The following EXOC4 variants were observed in gnomAD, a reference collection of about 807,000 sequenced individuals.
The protein encoded by EXOC4 is exocyst complex component 4.
EXOC4 carries 71 observed loss-of-function variants against 107.2 expected under a neutral mutation model. The observed-to-expected ratio is 0.66, with a 90% confidence interval of 0.55 to 0.81. EXOC4 has a LOEUF of 0.81. EXOC4 is among the 30% of genes least tolerant of loss of function. The pLI is 0.00. For synonymous variants in EXOC4, 456 were observed against 441.2 expected, an observed-to-expected ratio of 1.03 and a Z score of -0.42; for missense variants, 1,108 against 1,189.6, an observed-to-expected ratio of 0.93 and a Z score of 1.01.
intron 9 of EXOC4, among the ~76,000 whole-genome samples, chr7:133,526,951 A>G (rs1800091269): frequency 6.6e-6 from 1 of 150,864 alleles, no homozygotes; most frequent in Non-Finnish European, 1.5e-5. Flanking sequence ...CAGCCTGGCA[A>G]CAGAGCGAGA....
At chr7:133,505,718 GAT>G (rs1412831109) in intron 9 of EXOC4, among the ~76,000 whole-genome samples, 1 of 152,088 alleles carries the variant, frequency 6.6e-6, no homozygotes, top group African/African-American at 2.4e-5. Flanking sequence ...CTAATTGCTT[GAT>G]AATGTAACAC....
chr7:133,347,692 A>G (rs1795816529), intron 5 of EXOC4, among the ~76,000 whole-genome samples: 1 of 152,206 alleles, frequency 6.6e-6, no homozygotes, highest in African/African-American at 2.4e-5. Context: ...GATGATTTAT[A>G]GCCATTTAGA....
intron 9 of EXOC4, among the ~76,000 whole-genome samples, chr7:133,489,211 A>G (rs1385765008): frequency 6.6e-6 from 1 of 152,046 alleles, no homozygotes; most frequent in Non-Finnish European, 1.5e-5. Flanking sequence ...AACCAAAGAG[A>G]GGATCTCGTG....
chr7:134,032,100 A>G (rs1795284407), intron 17 of EXOC4, among the ~76,000 whole-genome samples: 1 of 152,196 alleles, frequency 6.6e-6, no homozygotes, highest in African/African-American at 2.4e-5. Context: ...GATGTTGACA[A>G]AGGCTTTTTA....
chr7:133,811,765 T>C (rs751919227), intron 10 of EXOC4, among the ~76,000 whole-genome samples: 1 of 152,186 alleles, frequency 6.6e-6, no homozygotes, highest in Non-Finnish European at 1.5e-5. Context: ...TACATTCGAA[T>C]GGTGGAGATA....
intron 7 of EXOC4, among the ~76,000 whole-genome samples, chr7:133,400,152 A>T (rs1703934222): frequency 6.6e-6 from 1 of 152,226 alleles, no homozygotes; most frequent in South Asian, 2.1e-4. Flanking sequence ...CCAGAGATAG[A>T]AATCGCAGAA....
chr7:133,434,769 A>T (rs1007297933), intron 7 of EXOC4, among the ~76,000 whole-genome samples: 5 of 152,174 alleles, frequency 3.3e-5, no homozygotes, highest in African/African-American at 1.2e-4. Context: ...AGACCTCAGG[A>T]TTGTGCTGTC....
intron 11 of EXOC4, among the ~76,000 whole-genome samples, chr7:133,838,626 C>G (rs995442077): frequency 2.0e-5 from 3 of 152,168 alleles, no homozygotes; most frequent in African/African-American, 7.2e-5. Flanking sequence ...CTGGTTGCAG[C>G]CTCATGTTTT....
the EXOC4 span, among the ~76,000 whole-genome samples, chr7:134,099,989 G>A: frequency 1.3e-5 from 2 of 152,018 alleles, no homozygotes; most frequent in African/African-American, 4.8e-5. Flanking sequence ...TTACAGGCAT[G>A]AGCCACTGCA....
intron 7 of EXOC4, among the ~76,000 whole-genome samples, chr7:133,474,460 A>G (rs1255640897): frequency 6.7e-6 from 1 of 148,616 alleles, no homozygotes; most frequent in Non-Finnish European, 1.5e-5. Context: ...GGTGTGCACC[A>G]TCATGCCCAG....
intron 1 of EXOC4, chr7:133,253,556 A>T (rs1794943276): frequency 1.0e-6 from 1 of 994,090 alleles, no homozygotes. Context: ...TCACTGAGAA[A>T]GGCGTCTTGT....
chr7:133,889,229 A>G (rs1799152510), intron 11 of EXOC4, among the ~76,000 whole-genome samples: 1 of 152,174 alleles, frequency 6.6e-6, no homozygotes, highest in Non-Finnish European at 1.5e-5. Context: ...AGCCAGAGTT[A>G]TCTTGTGAGT....
chr7:133,879,345 C>T (rs538131863), intron 11 of EXOC4, among the ~76,000 whole-genome samples: 24 of 152,126 alleles, frequency 1.6e-4, no homozygotes, highest in Middle Eastern at 3.4e-3. Context: ...CTCTCCGTGT[C>T]GGCCTCCCTA....
At chr7:133,279,744 C>T (rs1158890607) in intron 2 of EXOC4, among the ~76,000 whole-genome samples, 2 of 152,130 alleles carry the variant, frequency 1.3e-5, no homozygotes, top group African/African-American at 4.8e-5. Flanking sequence ...GTCTCAAACT[C>T]CTGGCCTCAA....
intron 9 of EXOC4, among the ~76,000 whole-genome samples, chr7:133,539,832 A>G (rs993401745): frequency 6.6e-6 from 1 of 152,136 alleles, no homozygotes; most frequent in East Asian, 1.9e-4. Context: ...TGTGAAGTTT[A>G]TGAATCCCTA....
At chr7:133,688,144 T>A (rs1472845908) in intron 10 of EXOC4, among the ~76,000 whole-genome samples, 1 of 152,154 alleles carries the variant, frequency 6.6e-6, no homozygotes, top group East Asian at 1.9e-4. Flanking sequence ...CCGAGGTCAT[T>A]GTGTAATTTT....
At chr7:133,876,699 T>C (rs560082094) in intron 11 of EXOC4, among the ~76,000 whole-genome samples, 88 of 152,256 alleles carry the variant, frequency 5.8e-4, no homozygotes, top group Middle Eastern at 6.8e-3. Flanking sequence ...CTTCATCGAG[T>C]ACCATTTTCC....
intron 11 of EXOC4, among the ~76,000 whole-genome samples, chr7:133,869,858 G>A (rs1469793160): frequency 6.6e-6 from 1 of 152,196 alleles, no homozygotes; most frequent in Non-Finnish European, 1.5e-5. Context: ...AGTGAGTACT[G>A]TGTTAGCTAA....
At chr7:133,528,379 C>T (rs1449116888) in intron 9 of EXOC4, among the ~76,000 whole-genome samples, 1 of 152,058 alleles carries the variant, frequency 6.6e-6, no homozygotes, top group African/African-American at 2.4e-5. Context: ...TCTGATTTTA[C>T]AAATAAACTT....
Sources: gnomAD v4.1 joint callset for allele counts (sites outside exome capture counted in the v4.1 genomes callset) on GRCh38, gnomAD v4.1.1 for gene constraint, MANE v1.5 for transcripts, NCBI Gene and HGNC (gene_info 2026-07-23, HGNC 2026-07-21) for gene names.